Variants in HFM1 observed in about 807,000 individuals in gnomAD.
HFM1 encodes the protein helicase for meiosis 1, also known as probable ATP-dependent DNA helicase HFM1.
Under a neutral mutation model 192.1 loss-of-function variants are expected in HFM1, and 169 were observed. The observed-to-expected ratio is 0.88, with a 90% CI of 0.78 to 1.00. The LOEUF (loss-of-function observed/expected upper bound fraction) is 1.00. Ranked by LOEUF, HFM1 falls within the 50% of genes least tolerant of loss-of-function variation. The pLI, the probability that HFM1 is intolerant of heterozygous loss-of-function variation, is 0.00. For missense variants in HFM1, 1,661 were observed against 1,668.0 expected (o/e 1.00, Z 0.07); for synonymous variants, 525 against 537.8 (o/e 0.98, Z 0.33).
intron 30 of HFM1, among the ~76,000 whole-genome samples, chr1:91,296,424 A>G (rs1224639980): frequency 1.3e-5 from 2 of 152,106 alleles, no homozygotes; most frequent in Admixed American, 6.5e-5. Flanking sequence ...TCTACTGTTT[A>G]ATAACAGGTC....
intron 4 of HFM1, among the ~76,000 whole-genome samples, chr1:91,387,971 A>C (rs1017585513): frequency 3.1e-4 from 47 of 152,110 alleles, no homozygotes; most frequent in Admixed American, 2.2e-3. Context: ...AACAAACAAA[A>C]AAAAGAAATA....
chr1:91,389,608 A>C (rs1662680640), intron 4 of HFM1, among the ~76,000 whole-genome samples: 1 of 152,050 alleles, frequency 6.6e-6, no homozygotes, highest in African/African-American at 2.4e-5. Flanking sequence ...GTCATCAAGA[A>C]CCCAACAATG....
chr1:91,377,103 A>T (rs1660993861), intron 11 of HFM1, among the ~76,000 whole-genome samples: 2 of 151,432 alleles, frequency 1.3e-5, no homozygotes. Context: ...CAGGTCAAAA[A>T]AAGAGTATGT....
chr1:91,405,722 C>T (rs145894970), upstream of HFM1, among the ~76,000 whole-genome samples: 11 of 152,184 alleles, frequency 7.2e-5, no homozygotes, highest in African/African-American at 2.7e-4. Flanking sequence ...ACAGTAAATG[C>T]TCATGAATAT....
chr1:91,353,295 G>A lies in HFM1; in HGVS notation c.1690C>T (p.Gln564Ter). 1 of 1,543,648 alleles carries A rather than the reference G, an allele frequency of 6.5e-7. No homozygotes were observed. Among genetic ancestry groups the A allele is most frequent in the Non-Finnish European group, 8.9e-7 (1 of 1,125,184 alleles). The change falls in exon 14 of 39, where the codon CAG (glutamine) becomes TAG (stop). Residue 564 changes from glutamine to a stop codon, truncating the protein, a stop_gained. Coordinates refer to ENST00000370425, the MANE Select transcript of HFM1 (RefSeq NM_001017975.6). LOFTEE classifies it high-confidence loss of function. ...TCTCTTACGGAATATGCATACTTCT[G>A]TAACCTATTTAAAAATACCATAAAA... ...IMTVEQKQRL[Q>*]KYAYSVRDSK...
At position 91,350,873 on chromosome 1, in the gene HFM1, T is replaced by A; in HGVS notation, c.2073-2A>T. On this transcript the variant is annotated splice_acceptor_variant, in intron 17 of 38. Transcript: ENST00000370425. LOFTEE classifies it high-confidence loss of function. ...TGTTCAATAAGATGTCTGTGCAAACTAATGAAAAAAAACTTTGCATTATGA... is the reference window on the plus strand; with the variant it reads ...TGTTCAATAAGATGTCTGTGCAAACAAATGAAAAAAAACTTTGCATTATGA... The A allele has an allele frequency of 6.4e-7, 1 of 1,564,380 alleles. No individual in the cohort carries two copies. Among genetic ancestry groups the A allele is most frequent in the Non-Finnish European group, 8.7e-7 (1 of 1,149,034 alleles).
intron 30 of HFM1, among the ~76,000 whole-genome samples, chr1:91,296,782 T>C (rs1647656392): frequency 6.6e-6 from 1 of 152,226 alleles, no homozygotes; most frequent in African/African-American, 2.4e-5. Context: ...CTACTGTAAA[T>C]GCTGTTTTAG....
At chr1:91,371,961 T>C (rs968289849) in intron 13 of HFM1, among the ~76,000 whole-genome samples, 2 of 152,148 alleles carry the variant, frequency 1.3e-5, no homozygotes, top group Non-Finnish European at 2.9e-5. Context: ...AGAAGACATT[T>C]ATGCAGCCAA....
At chr1:91,304,352 T>C (rs1649293461) in intron 30 of HFM1, among the ~76,000 whole-genome samples, 1 of 152,188 alleles carries the variant, frequency 6.6e-6, no homozygotes, top group African/African-American at 2.4e-5. Context: ...ATTCATCTAT[T>C]TTTTCTTTGG....
chr1:91,359,394 G>C (rs549109352), intron 13 of HFM1, among the ~76,000 whole-genome samples: 1 of 152,298 alleles, frequency 6.6e-6, no homozygotes, highest in Non-Finnish European at 1.5e-5. Context: ...AGAACAGCCA[G>C]TTTAGAGAGG....
chr1:91,394,075 T>C lies in HFM1; in HGVS notation c.494+18A>G, dbSNP rs756676382. ...ACTTTATTCACAGAATATTATTTAGTTTAATTATAATAATTACCTTTTCCG... is the reference window on the plus strand; with the variant it reads ...ACTTTATTCACAGAATATTATTTAGCTTAATTATAATAATTACCTTTTCCG... On this transcript the variant is annotated intron_variant, in intron 4 of 38. Transcript: ENST00000370425. 4.6e-6 allele frequency: 6 copies of C among 1,301,042 alleles called. No individual in the cohort carries two copies. In the African/African-American group the frequency reaches 8.9e-5, roughly 19 times the overall value. 80.6% of individuals were successfully genotyped at this position (1,301,042 alleles called of 1,614,324 possible). A position where few individuals can be genotyped will look rare whatever the true frequency, so the allele number is the denominator to read the frequency against.
intron 13 of HFM1, among the ~76,000 whole-genome samples, chr1:91,371,763 T>G (rs1660239528): frequency 6.6e-6 from 1 of 151,556 alleles, no homozygotes; most frequent in Admixed American, 6.6e-5. Flanking sequence ...AAAGAGCTTC[T>G]GTACAGCAAA....
chr1:91,377,961 C>G (rs1293669278), intron 11 of HFM1, 64 bp downstream of exon 11: 1 of 1,424,554 alleles, frequency 7.0e-7, no homozygotes, highest in Non-Finnish European at 9.8e-7. Flanking sequence ...TCTCTATGAT[C>G]AAGATGACTA....
At chr1:91,335,673 T>G (rs1654464351) in intron 20 of HFM1, among the ~76,000 whole-genome samples, 1 of 152,174 alleles carries the variant, frequency 6.6e-6, no homozygotes, top group South Asian at 2.1e-4. Flanking sequence ...TTTCAAAGAT[T>G]AATATTCTAA....
At chr1:91,277,506 G>GGTGT (rs67268923) in intron 30 of HFM1, among the ~76,000 whole-genome samples, 32 of 134,088 alleles carry the variant, frequency 2.4e-4, no homozygotes, top group African/African-American at 7.0e-4. Context: ...CTCCCTGGTG[G>GGTGT]GTGTGTGTGT....
chr1:91,265,047 T>C (rs1445091023), intron 36 of HFM1, among the ~76,000 whole-genome samples: 1 of 152,220 alleles, frequency 6.6e-6, no homozygotes, highest in African/African-American at 2.4e-5. Context: ...ACTTCTGCTG[T>C]AGTTTAGGCC....
chr1:91,352,417 T>C, intron 16 of HFM1, 89 bp downstream of exon 16: 1 of 979,076 alleles, frequency 1.0e-6, no homozygotes, highest in Non-Finnish European at 1.5e-6. Flanking sequence ...TTAAGCCTGA[T>C]ACAATTATGA....
chr1:91,312,562 T>C (rs1267804736), intron 30 of HFM1, among the ~76,000 whole-genome samples: 1 of 152,228 alleles, frequency 6.6e-6, no homozygotes, highest in Non-Finnish European at 1.5e-5. Flanking sequence ...CCAATATCTG[T>C]ACCCCCATTA....
At chr1:91,377,960 T>C (rs1661095664) in intron 11 of HFM1, 65 bp downstream of exon 11, 1 of 1,425,112 alleles carries the variant, frequency 7.0e-7, no homozygotes, top group African/African-American at 1.4e-5. Context: ...TTCTCTATGA[T>C]CAAGATGACT....
Sources: gnomAD v4.1 joint callset for allele counts (sites outside exome capture counted in the v4.1 genomes callset) on GRCh38, gnomAD v4.1.1 for gene constraint, MANE v1.5 for transcripts, NCBI Gene and HGNC (gene_info 2026-07-23, HGNC 2026-07-21) for gene names.